Variants in HBS1L observed in about 807,000 individuals in gnomAD.
HBS1L encodes the protein HBS1-like protein.
HBS1L carries 55 observed loss-of-function variants against 88.9 expected under a neutral mutation model. The observed-to-expected ratio is 0.62, with a 90% CI of 0.50 to 0.77. The LOEUF is 0.77. Among genes scored for constraint, HBS1L ranks in the 30% least tolerant of loss-of-function variants. HBS1L has a pLI of 0.00. For missense variants in HBS1L, 741 were observed against 829.3 expected (o/e 0.89, Z 1.31); for synonymous variants, 267 against 288.5 (o/e 0.93, Z 0.76).
intron 4 of HBS1L, among the ~76,000 whole-genome samples, chr6:135,008,128 G>A (rs890974715): frequency 2.6e-5 from 4 of 152,004 alleles, no homozygotes; most frequent in Admixed American, 1.3e-4. Flanking sequence ...CCTCCCCTAG[G>A]CCTCACAAAA....
At chr6:135,001,272 C>A (rs905378599) in intron 5 of HBS1L, among the ~76,000 whole-genome samples, 17 of 152,142 alleles carry the variant, frequency 1.1e-4, no homozygotes, top group Non-Finnish European at 4.4e-5. Context: ...CTGCATTGTA[C>A]TTACAGAGTT....
intron 4 of HBS1L, among the ~76,000 whole-genome samples, chr6:135,031,769 C>G (rs1776389939): frequency 6.6e-6 from 1 of 151,972 alleles, no homozygotes; most frequent in Admixed American, 6.5e-5. Flanking sequence ...CTTTCCTTCA[C>G]TCATCCAATA....
intron 4 of HBS1L, among the ~76,000 whole-genome samples, chr6:135,038,471 C>A (rs542324550): frequency 7.2e-5 from 11 of 152,184 alleles, no homozygotes; most frequent in African/African-American, 2.7e-4. Context: ...ATCTGGGATA[C>A]ACTATCAATA....
In HBS1L at chr6:134,991,642, A is replaced by G. The variant is rs1408133655; in HGVS notation, c.1083+2116T>C. Among the ~76,000 whole-genome samples the G allele has an allele frequency of 5.3e-5, 8 of 152,264 alleles. No homozygotes were observed. The East Asian group carries it at 1.5e-3, about 29-fold the overall frequency. On this transcript the variant is annotated intron_variant, in intron 8 of 17. Coordinates refer to ENST00000367837, the MANE Select transcript of HBS1L (RefSeq NM_006620.4). ...TTTATTTCAATCTTTTATCACATTCAGTCCATGAATCTTGAATTAATATTC... is the reference window on the plus strand; with the variant it reads ...TTTATTTCAATCTTTTATCACATTCGGTCCATGAATCTTGAATTAATATTC...
rs1774713089 is a variant in HBS1L, at chr6:134,978,386, C to T, written c.1797+293G>A. Among the ~76,000 whole-genome samples, 3 of 152,000 alleles carry T rather than the reference C, an allele frequency of 2.0e-5. No individual in the cohort carries two copies. In the South Asian group the frequency reaches 6.2e-4, roughly 32 times the overall value. ...TTAGAAGTAAGTAAACTTTAGAACA[C>T]AGTGAAAATGTGTCTATCATTTTTC... On this transcript the variant is annotated intron_variant, in intron 15 of 17. Coordinates refer to ENST00000367837, the MANE Select transcript of HBS1L (RefSeq NM_006620.4).
intron 4 of HBS1L, among the ~76,000 whole-genome samples, chr6:135,013,731 A>ATAT: frequency 6.6e-6 from 1 of 152,238 alleles, no homozygotes; most frequent in East Asian, 1.9e-4. Flanking sequence ...ACTTTAAAAG[A>ATAT]TATTACAGTC....
Position 135,021,152 on chromosome 6 carries a change from A to G in HBS1L, c.431-18310T>C, listed in dbSNP as rs1217955055. On this transcript the variant is annotated intron_variant, in intron 4 of 17. Transcript: ENST00000367837. ...TAAAACTAGGATAAAAATAATCCCT[A>G]TTCTATGTGATTATTATGAATATTA... 3.3e-5 allele frequency among the ~76,000 whole-genome samples: 5 copies of G among 152,048 alleles called. No homozygotes were observed. The South Asian group carries it at 8.3e-4, about 25-fold the overall frequency.
In HBS1L at chr6:134,982,500, G is replaced by A. The variant is rs1054616016; in HGVS notation, c.1555C>T (p.Arg519Ter). ...IEAGYIQTGD[R>*]LLAMPPNETC... The stretch of plus-strand genomic sequence containing the variant: ...TCATTAGGAGGCATTGCCAGTAGTC[G>A]GTCACCAGTTTGGATATAACCAGCT... Residue 519 changes from arginine to a stop codon, truncating the protein, a stop_gained, in exon 13 of 18, where the codon CGA becomes TGA. Transcript: ENST00000367837. LOFTEE classifies it high-confidence loss of function. 2 of 1,611,310 alleles carry A rather than the reference G, an allele frequency of 1.2e-6. No individual in the cohort carries two copies. The highest frequency in any genetic ancestry group is 1.7e-6 in the Non-Finnish European group (2 of 1,178,110).
chr6:134,967,137 T>C lies in HBS1L; in HGVS notation c.1899-664A>G, dbSNP rs139237659. 2.4e-4 allele frequency among the ~76,000 whole-genome samples: 37 copies of C among 152,272 alleles called. No homozygotes were observed. In the East Asian group the frequency reaches 6.9e-3, roughly 29 times the overall value. On this transcript the variant is annotated intron_variant, in intron 16 of 17. Coordinates refer to ENST00000367837, the MANE Select transcript of HBS1L (RefSeq NM_006620.4). The stretch of plus-strand genomic sequence containing the variant: ...ATGGACCAGACTGTAAATGATTTCA[T>C]AAAAATAAGTGAACAAAAATCTCTA...
intron 8 of HBS1L, among the ~76,000 whole-genome samples, chr6:134,989,872 T>C (rs1775083410): frequency 1.3e-5 from 2 of 152,174 alleles, no homozygotes; most frequent in South Asian, 4.1e-4. Context: ...AATTTGAATA[T>C]TGGCTCTTTC....
At chr6:135,014,564 G>T (rs1468909854) in intron 4 of HBS1L, among the ~76,000 whole-genome samples, 1 of 152,170 alleles carries the variant, frequency 6.6e-6, no homozygotes, top group African/African-American at 2.4e-5. Flanking sequence ...TACCGGAAAT[G>T]AGTAAGAAGG....
intron 15 of HBS1L, among the ~76,000 whole-genome samples, chr6:134,976,882 C>G (rs1774663309): frequency 6.6e-6 from 1 of 151,690 alleles, no homozygotes; most frequent in African/African-American, 2.4e-5. Context: ...TCAAAAACCA[C>G]TAGTTGGTAA....
At chr6:134,978,851 C>A in intron 14 of HBS1L, 64 bp from the exon 15 acceptor site, 1 of 938,652 alleles carries the variant, frequency 1.1e-6, no homozygotes, top group Non-Finnish European at 1.7e-6. Context: ...AATAGAAAGA[C>A]CTCAAAAACA....
At chr6:134,998,508 G>A (rs1775353947) in intron 5 of HBS1L, among the ~76,000 whole-genome samples, 1 of 152,116 alleles carries the variant, frequency 6.6e-6, no homozygotes, top group Non-Finnish European at 1.5e-5. Context: ...AACAGAATTA[G>A]GACAAAGAGC....
intron 1 of HBS1L, among the ~76,000 whole-genome samples, chr6:135,054,013 C>CGT (rs1777167032): frequency 6.6e-6 from 1 of 152,086 alleles, no homozygotes; most frequent in East Asian, 1.9e-4. Flanking sequence ...TCAAGCATTA[C>CGT]CAGCCAAGAA....
intron 4 of HBS1L, among the ~76,000 whole-genome samples, chr6:135,005,453 C>T (rs1402928201): frequency 6.6e-6 from 1 of 152,232 alleles, no homozygotes; most frequent in Non-Finnish European, 1.5e-5. Flanking sequence ...GGCTATTATA[C>T]TACAGATGGT....
intron 1 of HBS1L, among the ~76,000 whole-genome samples, chr6:135,054,172 A>T (rs1777173897): frequency 6.6e-6 from 1 of 152,264 alleles, no homozygotes; most frequent in South Asian, 2.1e-4. Context: ...ATGTATGGAC[A>T]TACACAAAAG....
chr6:135,045,525 A>G (rs1301244824), intron 2 of HBS1L, among the ~76,000 whole-genome samples: 3 of 152,206 alleles, frequency 2.0e-5, no homozygotes, highest in Non-Finnish European at 2.9e-5. Flanking sequence ...GGAATGAAGC[A>G]GGAAATTTGT....
chr6:135,020,437 C>T (rs771303909), intron 4 of HBS1L, among the ~76,000 whole-genome samples: 1 of 151,918 alleles, frequency 6.6e-6, no homozygotes, highest in East Asian at 1.9e-4. Context: ...CCTATAACAG[C>T]ATGTTCAATG....
Sources: allele counts gnomAD v4.1 joint callset (sites outside exome capture counted in the v4.1 genomes callset), GRCh38; gene constraint gnomAD v4.1.1; transcripts MANE v1.5; gene names NCBI Gene and HGNC (gene_info 2026-07-23, HGNC 2026-07-21).